Variants in ARHGAP24 observed in about 807,000 individuals in gnomAD.
ARHGAP24 encodes the protein rho GTPase-activating protein 24.
Under a neutral mutation model 76.4 loss-of-function variants are expected in ARHGAP24, and 50 were observed. The observed-to-expected ratio is 0.65, with a 90% CI of 0.52 to 0.83. ARHGAP24 has a LOEUF of 0.83. Ranked by LOEUF, ARHGAP24 falls within the 40% of genes least tolerant of loss-of-function variation. ARHGAP24 has a pLI of 0.00. For missense variants in ARHGAP24, 930 were observed against 914.2 expected (o/e 1.02, Z -0.22); for synonymous variants, 345 against 323.3 (o/e 1.07, Z -0.72).
chr4:85,638,810 A>T (rs1458797508), intron 2 of ARHGAP24, among the ~76,000 whole-genome samples: 3 of 152,200 alleles, frequency 2.0e-5, no homozygotes, highest in Admixed American at 2.0e-4. Context: ...AACTTCCAAG[A>T]TAAATAATTC....
At chr4:85,811,057 G>T (rs1396021149) in intron 3 of ARHGAP24, among the ~76,000 whole-genome samples, 4 of 151,710 alleles carry the variant, frequency 2.6e-5, no homozygotes, top group Non-Finnish European at 5.9e-5. Context: ...ATAGTTAACA[G>T]AAAAAAAATG....
intron 3 of ARHGAP24, among the ~76,000 whole-genome samples, chr4:85,910,563 G>T (rs573896606): frequency 1.3e-5 from 2 of 152,264 alleles, no homozygotes; most frequent in South Asian, 4.1e-4. Flanking sequence ...GCTCCTCTCT[G>T]TAGACAGGTC....
intron 5 of ARHGAP24, among the ~76,000 whole-genome samples, chr4:85,952,344 G>C (rs865975369): frequency 1.3e-5 from 2 of 152,136 alleles, no homozygotes; most frequent in African/African-American, 2.4e-5. Flanking sequence ...CAGTACATTG[G>C]TTTCTTTAAT....
intron 3 of ARHGAP24, among the ~76,000 whole-genome samples, chr4:85,920,104 G>A (rs1735643466): frequency 6.6e-6 from 1 of 152,090 alleles, no homozygotes; most frequent in Non-Finnish European, 1.5e-5. Flanking sequence ...TGTTACTATT[G>A]ACTAATTGTT....
intron 1 of ARHGAP24, among the ~76,000 whole-genome samples, chr4:85,501,501 C>T (rs1723814716): frequency 6.6e-6 from 1 of 152,108 alleles, no homozygotes; most frequent in Admixed American, 6.5e-5. Flanking sequence ...TTTCATGTGT[C>T]TGTTGGCTGC....
At chr4:85,670,115 C>T (rs1018205721) in intron 2 of ARHGAP24, among the ~76,000 whole-genome samples, 3 of 152,096 alleles carry the variant, frequency 2.0e-5, no homozygotes, top group African/African-American at 7.2e-5. Flanking sequence ...ATATTTAACT[C>T]AGCCATTTTC....
chr4:85,992,243 C>T, intron 8 of ARHGAP24: 1 of 396,350 alleles, frequency 2.5e-6, no homozygotes, highest in Middle Eastern at 6.4e-4. Flanking sequence ...TACTGCCGAG[C>T]TAGTCTGTCC....
At chr4:85,988,082 A>AT (rs1740110168) in intron 8 of ARHGAP24, among the ~76,000 whole-genome samples, 2 of 151,886 alleles carry the variant, frequency 1.3e-5, no homozygotes, top group South Asian at 4.1e-4. Context: ...ATATTTAAAC[A>AT]TTTTTCAAAT....
intron 4 of ARHGAP24, chr4:85,931,180 T>A (rs1736312682): frequency 1.2e-6 from 1 of 846,690 alleles, no homozygotes; most frequent in Non-Finnish European, 1.8e-6. Flanking sequence ...TTTGTGCGTA[T>A]CCTTGCTTGT....
chr4:85,900,829 A>G (rs1002004765), intron 3 of ARHGAP24, among the ~76,000 whole-genome samples: 1 of 152,138 alleles, frequency 6.6e-6, no homozygotes, highest in Admixed American at 6.6e-5. Context: ...AACACAATCA[A>G]TCTTCCAAGT....
chr4:85,546,773 GTTGT>G (rs1261286126), intron 1 of ARHGAP24, among the ~76,000 whole-genome samples: 2 of 152,142 alleles, frequency 1.3e-5, no homozygotes, highest in Admixed American at 6.5e-5. Context: ...AGCCATGTGT[GTTGT>G]TTGTTTTTAC....
intron 1 of ARHGAP24, among the ~76,000 whole-genome samples, chr4:85,500,126 G>A (rs1473543803): frequency 6.6e-6 from 1 of 152,052 alleles, no homozygotes; most frequent in African/African-American, 2.4e-5. Flanking sequence ...TTTACATGTT[G>A]CAATGATATA....
intron 3 of ARHGAP24, among the ~76,000 whole-genome samples, chr4:85,724,874 T>C (rs775650327): frequency 6.6e-6 from 1 of 152,164 alleles, no homozygotes; most frequent in Admixed American, 6.5e-5. Flanking sequence ...ATCAGCCAAA[T>C]TGGCAAATTT....
intron 3 of ARHGAP24, among the ~76,000 whole-genome samples, chr4:85,819,264 T>G (rs894319403): frequency 6.6e-6 from 1 of 152,184 alleles, no homozygotes; most frequent in East Asian, 1.9e-4. Context: ...TTTATAAAAT[T>G]TAGTGCAGAC....
chr4:85,570,927 C>T (rs1727114980), intron 2 of ARHGAP24: 1 of 540,058 alleles, frequency 1.9e-6, no homozygotes, highest in Non-Finnish European at 3.2e-6. Flanking sequence ...TTATACTTGT[C>T]TAATATTAAT....
chr4:85,872,933 T>C (rs1325908217), intron 3 of ARHGAP24, among the ~76,000 whole-genome samples: 3 of 152,146 alleles, frequency 2.0e-5, no homozygotes, highest in Non-Finnish European at 4.4e-5. Flanking sequence ...GAATCCATTG[T>C]AATTGAACTA....
rs780187716 is a variant in ARHGAP24, at chr4:85,942,078, A to G, written c.404A>G (p.Gln135Arg). ...CTTTTTTTTTAAGGCATTTTTGGAC[A>G]GAAACTGGAGGATACTGTTCGTTAT... ...WGPFGGGIFG[Q>R]KLEDTVRYEK... The change falls in exon 5 of 10, where the codon CAG becomes CGG. Residue 135 changes from glutamine to arginine, a missense_variant. Coordinates refer to ENST00000395184, the MANE Select transcript of ARHGAP24 (RefSeq NM_001025616.3). 1.7e-5 allele frequency: 27 copies of G among 1,613,822 alleles called. No homozygotes were observed. In the South Asian group the frequency reaches 2.9e-4, roughly 17 times the overall value.
chr4:85,949,568 C>T (rs1251906448), intron 5 of ARHGAP24, among the ~76,000 whole-genome samples: 1 of 152,128 alleles, frequency 6.6e-6, no homozygotes, highest in Non-Finnish European at 1.5e-5. Context: ...CAGGGCTCCT[C>T]CCTATAGCTG....
chr4:85,668,886 A>C (rs1443940971), intron 2 of ARHGAP24, among the ~76,000 whole-genome samples: 2 of 152,186 alleles, frequency 1.3e-5, no homozygotes, highest in Non-Finnish European at 2.9e-5. Flanking sequence ...ATGGAAAGAT[A>C]AAAGTAAAGA....
Sources: allele counts gnomAD v4.1 joint callset (sites outside exome capture counted in the v4.1 genomes callset), GRCh38; gene constraint gnomAD v4.1.1; transcripts MANE v1.5; gene names NCBI Gene and HGNC (gene_info 2026-07-23, HGNC 2026-07-21).